CRYBG3: variants seen among roughly 807,000 people sequenced by gnomAD.
CRYBG3 encodes the protein crystallin beta-gamma domain containing 3, also known as very large A-kinase anchor protein.
A neutral mutation model predicts 244.2 loss-of-function variants in CRYBG3; 127 were observed. The ratio of observed to expected loss-of-function variants is 0.52; its 90% CI spans 0.45 to 0.60. CRYBG3 has a LOEUF of 0.60. Ranked by LOEUF, CRYBG3 falls within the 20% of genes least tolerant of loss-of-function variation. CRYBG3 has a pLI of 0.00. For synonymous variants in CRYBG3, 1,132 were observed against 1,195.8 expected, an observed-to-expected ratio of 0.95 and a Z score of 1.10; for missense variants, 3,325 against 3,442.5, an observed-to-expected ratio of 0.97 and a Z score of 0.85.
At chr3:97,897,528 AC>A (rs376983845) in intron 12 of CRYBG3, among the ~76,000 whole-genome samples, 109 of 152,160 alleles carry the variant, frequency 7.2e-4, no homozygotes, top group African/African-American at 2.4e-3. Flanking sequence ...TTTGGAAGTT[AC>A]TTAATTGTGT....
intron 1 of CRYBG3, among the ~76,000 whole-genome samples, chr3:97,829,364 C>T (rs1020400658): frequency 2.0e-5 from 3 of 152,148 alleles, no homozygotes; most frequent in Non-Finnish European, 4.4e-5. Context: ...CTTGCAGCCA[C>T]AAATATATCA....
intron 19 of CRYBG3, among the ~76,000 whole-genome samples, chr3:97,940,380 T>A (rs1272846702): frequency 2.6e-5 from 4 of 152,050 alleles, no homozygotes; most frequent in Non-Finnish European, 5.9e-5. Flanking sequence ...AGGGTATAAT[T>A]GTACTTTCTT....
intron 15 of CRYBG3, among the ~76,000 whole-genome samples, chr3:97,902,525 C>G (rs751136377): frequency 1.3e-5 from 2 of 150,916 alleles, no homozygotes; most frequent in East Asian, 3.9e-4. Context: ...ATGTACAGAA[C>G]GTGCAGGTTT....
At chr3:97,888,266 G>T (rs2039532485) in intron 8 of CRYBG3, 75 bp from the exon 9 acceptor site, 2 of 840,936 alleles carry the variant, frequency 2.4e-6, no homozygotes, top group Non-Finnish European at 1.9e-6. Flanking sequence ...TTTTTATTTT[G>T]GTAGCCCTTT....
chr3:97,899,369 G>A (rs2039677871), intron 14 of CRYBG3, 106 bp downstream of exon 14: 1 of 1,219,202 alleles, frequency 8.2e-7, no homozygotes, highest in Non-Finnish European at 1.1e-6. Flanking sequence ...TGTCATGTGT[G>A]TATATAGAAA....
intron 17 of CRYBG3, among the ~76,000 whole-genome samples, chr3:97,923,837 T>C (rs2040010902): frequency 6.6e-6 from 1 of 152,024 alleles, no homozygotes. Context: ...CTTTTATAGG[T>C]AAAAGGACTC....
Position 97,874,603 on chromosome 3 carries a change from T to TCC in CRYBG3, c.3410_3411dup (p.Ile1138ProfsTer43). 1 of 1,536,004 alleles carries TCC rather than the reference T, an allele frequency of 6.5e-7. No homozygotes were observed. The highest frequency in any genetic ancestry group is 2.4e-5 in the East Asian group (1 of 40,908). ...TTTTGGGATTTATACTGGGAAGATA[T>TCC]CCATTGATTTCCCAACTGCTGCCCA... On this transcript the variant is annotated frameshift_variant, in exon 4 of 22. Transcript: ENST00000389622. LOFTEE classifies it high-confidence loss of function.
At chr3:97,892,531 A>G (rs2039591641) in intron 10 of CRYBG3, among the ~76,000 whole-genome samples, 1 of 151,976 alleles carries the variant, frequency 6.6e-6, no homozygotes, top group South Asian at 2.1e-4. Context: ...CTTCACCATA[A>G]ATTTGTTTAT....
In CRYBG3 at chr3:97,942,282, AG is replaced by A. The variant is rs748450406; in HGVS notation, c.8665del. On this transcript the variant is annotated splice_acceptor_variant, in intron 20 of 21. Coordinates refer to ENST00000389622, the MANE Select transcript of CRYBG3 (RefSeq NM_153605.4). LOFTEE classifies it high-confidence loss of function. ...CAATTAATCATTTCTTAACCCTTTTAGGCCAGTGATACATGTCTTGATGTGA... is the reference window on the plus strand; with the variant it reads ...CAATTAATCATTTCTTAACCCTTTTAGCCAGTGATACATGTCTTGATGTGA... The A allele has an allele frequency of 6.2e-7, 1 of 1,603,878 alleles. No homozygotes were observed. Among genetic ancestry groups the A allele is most frequent in the African/African-American group, 1.3e-5 (1 of 74,746 alleles).
At chr3:97,907,820 T>C (rs576904999) in intron 15 of CRYBG3, among the ~76,000 whole-genome samples, 216 of 151,450 alleles carry the variant, frequency 1.4e-3, no homozygotes, top group African/African-American at 5.1e-3. Flanking sequence ...GCTTTTCTAG[T>C]TCTTTTAATT....
At chr3:97,924,624 C>G (rs943455526) in intron 17 of CRYBG3, among the ~76,000 whole-genome samples, 59 of 152,154 alleles carry the variant, frequency 3.9e-4, no homozygotes, top group African/African-American at 1.4e-3. Context: ...CTTCTAGAGG[C>G]CACCAGCATT....
At chr3:97,906,869 A>G (rs1445685132) in intron 15 of CRYBG3, among the ~76,000 whole-genome samples, 2 of 150,434 alleles carry the variant, frequency 1.3e-5, no homozygotes, top group Non-Finnish European at 3.0e-5. Context: ...TCAGTATGAT[A>G]TTGGCTGTGG....
Position 97,842,698 on chromosome 3 carries a change from C to T in CRYBG3, c.150-497C>T, listed in dbSNP as rs953603226. Among the ~76,000 whole-genome samples, 23 of 152,150 alleles carry T rather than the reference C, an allele frequency of 1.5e-4. 1 individual carries two copies. Among genetic ancestry groups the T allele is most frequent in the Middle Eastern group, 3.4e-3 (1 of 294 alleles). ...AGATTTTAAGGTGCCATCTGGAATACGTTTGGGGCTAGATAAACCTACATC... is the reference window on the plus strand; with the variant it reads ...AGATTTTAAGGTGCCATCTGGAATATGTTTGGGGCTAGATAAACCTACATC... On this transcript the variant is annotated intron_variant, in intron 1 of 21. Coordinates refer to ENST00000389622, the MANE Select transcript of CRYBG3 (RefSeq NM_153605.4).
chr3:97,865,398 A>G (rs949945121), intron 3 of CRYBG3, among the ~76,000 whole-genome samples: 1 of 152,202 alleles, frequency 6.6e-6, no homozygotes, highest in Non-Finnish European at 1.5e-5. Context: ...ACTACCTTAT[A>G]ATTATACAGT....
intron 17 of CRYBG3, among the ~76,000 whole-genome samples, chr3:97,931,345 C>T (rs2040094735): frequency 6.6e-6 from 1 of 152,116 alleles, no homozygotes; most frequent in African/African-American, 2.4e-5. Flanking sequence ...TAATTCTCTT[C>T]CTCCTTCACT....
chr3:97,859,590 T>C (rs2039116473), intron 2 of CRYBG3, among the ~76,000 whole-genome samples: 1 of 152,204 alleles, frequency 6.6e-6, no homozygotes, highest in African/African-American at 2.4e-5. Flanking sequence ...ACATTGAACC[T>C]AACTGCTTTT....
chr3:97,863,878 C>T (rs1415600519), intron 2 of CRYBG3, among the ~76,000 whole-genome samples: 2 of 152,156 alleles, frequency 1.3e-5, no homozygotes, highest in Non-Finnish European at 2.9e-5. Flanking sequence ...ATCACATAGT[C>T]ACTTTTTCTG....
In CRYBG3 at chr3:97,876,074, C is replaced by T; in HGVS notation, c.4880C>T (p.Thr1627Ile). ...GAAAAAGCTTATAAGATGAAGGATA[C>T]TGAAGGGGATATTGGCAAAATTGAG... Reference protein sequence around the residue: ...GMEKAYKMKDTEGDIGKIEVI... With the variant: ...GMEKAYKMKDIEGDIGKIEVI... Residue 1627 changes from threonine to isoleucine, a missense_variant, in exon 4 of 22, where the codon ACT (threonine) becomes ATT (isoleucine). Thr to Ile is a moderately conservative substitution (Grantham distance 89). This residue lies in a region of CRYBG3 where 635 missense variants were observed against 771.7 expected (regional missense o/e 0.82). Coordinates refer to ENST00000389622, the MANE Select transcript of CRYBG3 (RefSeq NM_153605.4). The T allele has an allele frequency of 8.1e-7, 1 of 1,231,964 alleles. No individual in the cohort carries two copies. Among genetic ancestry groups the T allele is most frequent in the Non-Finnish European group, 1.0e-6 (1 of 987,902 alleles). 76.3% of individuals were successfully genotyped at this position (1,231,964 alleles called of 1,614,324 possible).
chr3:97,828,689 G>A (rs200234845), intron 1 of CRYBG3, among the ~76,000 whole-genome samples: 1 of 151,808 alleles, frequency 6.6e-6, no homozygotes, highest in Non-Finnish European at 1.5e-5. Flanking sequence ...ATTAGCCGGT[G>A]TGGTGGTGCT....
Sources: gnomAD v4.1 joint callset for allele counts (sites outside exome capture counted in the v4.1 genomes callset) on GRCh38, gnomAD v4.1.1 for gene constraint, gnomAD v4.1.1 regional missense constraint, MANE v1.5 for transcripts, NCBI Gene and HGNC (gene_info 2026-07-23, HGNC 2026-07-21) for gene names.